Variants in PDE3A observed in about 807,000 individuals in gnomAD.
The protein encoded by PDE3A is cGMP-inhibited 3',5'-cyclic phosphodiesterase 3A.
In PDE3A, 43 loss-of-function variants were observed where a neutral mutation model predicts 98.3. That is an observed-to-expected ratio of 0.44 (90% confidence interval 0.34 to 0.56). The LOEUF is 0.56. PDE3A is among the 20% of genes least tolerant of loss of function. PDE3A has a pLI of 0.01. For missense variants in PDE3A, 1,427 were observed against 1,440.7 expected (o/e 0.99, Z 0.15); for synonymous variants, 663 against 567.9 (o/e 1.17, Z -2.38).
chr12:20,385,192 T>C (rs1347487358), intron 1 of PDE3A, among the ~76,000 whole-genome samples: 2 of 151,640 alleles, frequency 1.3e-5, no homozygotes, highest in African/African-American at 2.4e-5. Flanking sequence ...CACCAGCACC[T>C]GTTGTTTCTT....
chr12:20,420,229 A>G (rs10770654), intron 1 of PDE3A, among the ~76,000 whole-genome samples: 95,001 of 151,970 alleles, frequency 0.63, 31,277 homozygotes, highest in East Asian at 0.88. Context: ...GAGAAGAGAG[A>G]ATGTCTGTAT....
At chr12:20,561,807 A>G (rs1162559295) in intron 2 of PDE3A, among the ~76,000 whole-genome samples, 1 of 152,188 alleles carries the variant, frequency 6.6e-6, no homozygotes, top group Non-Finnish European at 1.5e-5. Context: ...TGTCCTATAG[A>G]AAAATACCTA....
At chr12:20,447,712 A>C (rs1944980952) in intron 1 of PDE3A, among the ~76,000 whole-genome samples, 4 of 152,200 alleles carry the variant, frequency 2.6e-5, no homozygotes. Flanking sequence ...TAAATGGGTA[A>C]ATAAATATGA....
At position 20,552,243 on chromosome 12, in the gene PDE3A, T is replaced by A. The variant is rs1000459648; in HGVS notation, c.961-4417T>A. 7.4e-5 allele frequency: 120 copies of A among 1,613,462 alleles called. No individual in the cohort carries two copies. Among genetic ancestry groups the A allele is most frequent in the Middle Eastern group, 3.3e-4 (2 of 6,072 alleles). On this transcript the variant is annotated intron_variant, in intron 1 of 15. Coordinates refer to ENST00000359062, the MANE Select transcript of PDE3A (RefSeq NM_000921.5). The surrounding 1 kb of genome is among the most constrained non-coding windows in gnomAD (Gnocchi z 5.1). ...GGAAGCCGGTCAGGGTGGTGCGCAA[T>A]GTCAAGGGTGGCAAGAATAGCAAGT...
At chr12:20,502,539 G>A in intron 1 of PDE3A, among the ~76,000 whole-genome samples, 1 of 152,088 alleles carries the variant, frequency 6.6e-6, no homozygotes, top group East Asian at 1.9e-4. Flanking sequence ...CCTTACTAGA[G>A]TGTGATCAGG....
rs369752497 is a variant in PDE3A at position 20,679,438 on chromosome 12, A to G, written c.3185-592A>G. Among the ~76,000 whole-genome samples the G allele has an allele frequency of 6.5e-3, 996 of 152,098 alleles. 9 individuals are homozygous for G. The highest frequency in any genetic ancestry group is 0.016 in the African/African-American group (663 of 41,498). Reference sequence around the variant, plus strand: ...AATTTTTTGTATTTTTAGTAGAGACAGGGTTTCACCGTGTTAGCCAGGATG... The same window carrying G: ...AATTTTTTGTATTTTTAGTAGAGACGGGGTTTCACCGTGTTAGCCAGGATG... On this transcript the variant is annotated intron_variant, in intron 15 of 15. Transcript: ENST00000359062.
chr12:20,618,327 A>C (rs1944055463), intron 4 of PDE3A, among the ~76,000 whole-genome samples: 1 of 151,154 alleles, frequency 6.6e-6, no homozygotes, highest in South Asian at 2.1e-4. Context: ...TTAGCCCTGA[A>C]ATTGCTTCCC....
chr12:20,678,581 T>C (rs1251306477), intron 15 of PDE3A, among the ~76,000 whole-genome samples: 1 of 152,218 alleles, frequency 6.6e-6, no homozygotes, highest in African/African-American at 2.4e-5. Context: ...TATCAGTGCT[T>C]ACTTGTTCCT....
chr12:20,573,307 A>G (rs1310123383), intron 2 of PDE3A, among the ~76,000 whole-genome samples: 3 of 152,092 alleles, frequency 2.0e-5, no homozygotes, highest in Non-Finnish European at 4.4e-5. Context: ...TTACTCAGTT[A>G]AGGTTTTGGG....
chr12:20,462,861 C>T (rs903336706), intron 1 of PDE3A, among the ~76,000 whole-genome samples: 1 of 151,838 alleles, frequency 6.6e-6, no homozygotes, highest in Non-Finnish European at 1.5e-5. Flanking sequence ...AGGATCATGG[C>T]TCACTGTAGC....
At chr12:20,478,391 G>A (rs921439297) in intron 1 of PDE3A, among the ~76,000 whole-genome samples, 10 of 152,134 alleles carry the variant, frequency 6.6e-5, no homozygotes, top group African/African-American at 9.7e-5. Context: ...TCATTAGAGC[G>A]AGCTTCTGGA....
chr12:20,546,374 C>CAA (rs546594865), intron 1 of PDE3A, among the ~76,000 whole-genome samples: 87 of 144,076 alleles, frequency 6.0e-4, no homozygotes, highest in Non-Finnish European at 8.2e-4. Flanking sequence ...AAAGGACCAC[C>CAA]AAAAAAAAAA....
At chr12:20,599,178 C>T (rs1242367086) in intron 2 of PDE3A, among the ~76,000 whole-genome samples, 1 of 152,114 alleles carries the variant, frequency 6.6e-6, no homozygotes, top group Non-Finnish European at 1.5e-5. Flanking sequence ...ATGCAGTCCC[C>T]ACGTGCTGCC....
At chr12:20,508,209 GC>G (rs1439850160) in intron 1 of PDE3A, among the ~76,000 whole-genome samples, 1 of 151,830 alleles carries the variant, frequency 6.6e-6, no homozygotes, top group East Asian at 1.9e-4. Context: ...CTTCCTCTCT[GC>G]CTGTGTCTTC....
At chr12:20,536,143 A>T (rs995405080) in intron 1 of PDE3A, among the ~76,000 whole-genome samples, 1 of 152,180 alleles carries the variant, frequency 6.6e-6, no homozygotes, top group Admixed American at 6.5e-5. Context: ...ATCATCATAC[A>T]TATACTTATC....
intron 15 of PDE3A, among the ~76,000 whole-genome samples, chr12:20,677,328 T>A (rs1474422302): frequency 6.6e-6 from 1 of 152,184 alleles, no homozygotes; most frequent in East Asian, 1.9e-4. Flanking sequence ...AAATTCTTAT[T>A]CATTGGAATC....
intron 15 of PDE3A, among the ~76,000 whole-genome samples, chr12:20,673,656 C>G (rs1406991179): frequency 6.9e-6 from 1 of 144,500 alleles, no homozygotes; most frequent in Non-Finnish European, 1.5e-5. Context: ...ACAATGAGAA[C>G]ACATGGACAC....
intron 1 of PDE3A, among the ~76,000 whole-genome samples, chr12:20,500,576 G>A (rs560140260): frequency 2.6e-5 from 4 of 151,636 alleles, no homozygotes; most frequent in Admixed American, 2.0e-4. Flanking sequence ...TCTTTCTTCA[G>A]GATTTTTTTT....
chr12:20,400,617 A>G (rs960051236), intron 1 of PDE3A, among the ~76,000 whole-genome samples: 1 of 151,632 alleles, frequency 6.6e-6, no homozygotes, highest in Admixed American at 6.6e-5. Flanking sequence ...ACGAGGTTTC[A>G]CTGTGTTAGC....
Sources: allele counts gnomAD v4.1 joint callset (sites outside exome capture counted in the v4.1 genomes callset), GRCh38; gene constraint gnomAD v4.1.1; non-coding constraint Gnocchi (gnomAD v3.1); transcripts MANE v1.5; gene names NCBI Gene and HGNC (gene_info 2026-07-23, HGNC 2026-07-21).